Variants in GAB2 observed in about 807,000 individuals in gnomAD.
GAB2 encodes GRB2-associated-binding protein 2.
Under a neutral mutation model 65.5 loss-of-function variants are expected in GAB2, and 26 were observed. The observed-to-expected ratio is 0.40, with a 90% CI of 0.29 to 0.55. The LOEUF (loss-of-function observed/expected upper bound fraction) is 0.55, where lower values mean the gene tolerates loss of function less well. GAB2 is among the 20% of genes least tolerant of loss of function. GAB2 has a pLI of 0.53. For missense variants in GAB2, 884 were observed against 875.8 expected (o/e 1.01, Z -0.12); for synonymous variants, 321 against 329.6 (o/e 0.97, Z 0.28).
intron 2 of GAB2, among the ~76,000 whole-genome samples, chr11:78,270,146 G>A (rs997295651): frequency 6.6e-6 from 1 of 152,004 alleles, no homozygotes; most frequent in Non-Finnish European, 1.5e-5. Context: ...GGCCAACATG[G>A]TGAAACCCCG....
intron 1 of GAB2, among the ~76,000 whole-genome samples, chr11:78,401,742 GT>G (rs568217038): frequency 1.2e-3 from 177 of 152,186 alleles, no homozygotes; most frequent in African/African-American, 4.0e-3. Context: ...ATCACATTTT[GT>G]TTATTCAATT....
At chr11:78,302,445 T>C (rs946527060) in intron 1 of GAB2, among the ~76,000 whole-genome samples, 5 of 151,972 alleles carry the variant, frequency 3.3e-5, no homozygotes, top group African/African-American at 1.2e-4. Context: ...TCAACGTCAC[T>C]AATGATCAGG....
intron 2 of GAB2, among the ~76,000 whole-genome samples, chr11:78,272,571 G>C (rs1866044411): frequency 6.6e-6 from 1 of 152,152 alleles, no homozygotes; most frequent in African/African-American, 2.4e-5. Flanking sequence ...AGGTGACTTG[G>C]GTGCTGTTAA....
chr11:78,273,747 C>T (rs867796687), intron 2 of GAB2, among the ~76,000 whole-genome samples: 3 of 152,310 alleles, frequency 2.0e-5, no homozygotes, highest in Middle Eastern at 6.8e-3. Flanking sequence ...CATGGTTTGG[C>T]TGTGTCCCCA....
At chr11:78,316,452 A>C (rs1191669933) in intron 1 of GAB2, among the ~76,000 whole-genome samples, 2 of 152,198 alleles carry the variant, frequency 1.3e-5, no homozygotes, top group African/African-American at 2.4e-5. Flanking sequence ...ATAACAACAA[A>C]AACAAACAAC....
intron 1 of GAB2, among the ~76,000 whole-genome samples, chr11:78,300,011 T>C (rs1482023654): frequency 6.6e-6 from 1 of 152,194 alleles, no homozygotes; most frequent in Non-Finnish European, 1.5e-5. Context: ...ACAGTTCAGA[T>C]GGCTGAATTT....
chr11:78,306,331 A>C (rs1158547790), intron 1 of GAB2, among the ~76,000 whole-genome samples: 1 of 152,132 alleles, frequency 6.6e-6, no homozygotes, highest in Non-Finnish European at 1.5e-5. Flanking sequence ...CCCAGGTTCA[A>C]GCAATTCTCC....
chr11:78,250,041 G>A (rs1865404031), intron 3 of GAB2, 116 bp downstream of exon 3: 1 of 1,086,816 alleles, frequency 9.2e-7, no homozygotes, highest in Non-Finnish European at 1.4e-6. Context: ...TCATAGACGT[G>A]TTTGTCTACC....
chr11:78,299,833 GC>G (rs1485034392), intron 1 of GAB2, among the ~76,000 whole-genome samples: 2 of 152,170 alleles, frequency 1.3e-5, no homozygotes, highest in Admixed American at 1.3e-4. Context: ...GACTTCCTTA[GC>G]CTCTCTAGGA....
chr11:78,236,508 T>G (rs1864985306), intron 3 of GAB2, among the ~76,000 whole-genome samples: 1 of 152,202 alleles, frequency 6.6e-6, no homozygotes, highest in Non-Finnish European at 1.5e-5. Flanking sequence ...CAATGTTAAA[T>G]AGAAGTGGTA....
At chr11:78,363,900 T>C (rs1856465980) in intron 1 of GAB2, 1 of 152,088 alleles carries the variant, frequency 6.6e-6, no homozygotes, top group South Asian at 2.1e-4. Context: ...TACATTTTCT[T>C]AAAAAGCTGT....
chr11:78,333,211 CCTT>C (rs371653689), intron 1 of GAB2, among the ~76,000 whole-genome samples: 34 of 152,242 alleles, frequency 2.2e-4, no homozygotes, highest in African/African-American at 8.2e-4. Flanking sequence ...ACTGATAAGT[CCTT>C]CTTCTAGGAT....
intron 1 of GAB2, among the ~76,000 whole-genome samples, chr11:78,348,428 G>A (rs376625791): frequency 2.0e-5 from 3 of 152,298 alleles, no homozygotes; most frequent in African/African-American, 4.8e-5. Flanking sequence ...ATGGGCAAAA[G>A]ATTTGAACAG....
At chr11:78,359,259 T>C (rs1856401697) in intron 1 of GAB2, among the ~76,000 whole-genome samples, 1 of 152,020 alleles carries the variant, frequency 6.6e-6, no homozygotes, top group African/African-American at 2.4e-5. Context: ...GCTAAACAAA[T>C]GTCAAGCAGG....
rs116608814 is a variant in GAB2, at chr11:78,255,339, G to C, written c.377-4939C>G. 7.7e-3 allele frequency among the ~76,000 whole-genome samples: 1,170 copies of C among 152,206 alleles called. 13 individuals are homozygous for C. The highest frequency in any genetic ancestry group is 0.027 in the African/African-American group (1,109 of 41,518). On this transcript the variant is annotated intron_variant, in intron 2 of 9. Transcript: ENST00000361507. ...TAGAACTGTGAGAGAGTAAATTTTT[G>C]TTGTTTTAATCTACTCACTTTGTGG...
chr11:78,264,036 A>G (rs537880130), intron 2 of GAB2, among the ~76,000 whole-genome samples: 18 of 152,292 alleles, frequency 1.2e-4, no homozygotes, highest in African/African-American at 4.1e-4. Context: ...AATTCTCTAA[A>G]AAGTCCAACA....
intron 1 of GAB2, among the ~76,000 whole-genome samples, chr11:78,314,270 A>T (rs537403894): frequency 1.3e-5 from 2 of 152,254 alleles, no homozygotes; most frequent in East Asian, 3.8e-4. Flanking sequence ...TGAAAGTGTT[A>T]TAACAGTGAC....
chr11:78,265,203 C>CATATATATATATATATATATATATAT (rs10530509), intron 2 of GAB2, among the ~76,000 whole-genome samples: 6 of 144,920 alleles, frequency 4.1e-5, no homozygotes, highest in East Asian at 2.0e-4. Context: ...TTCTATACCA[C>CATATATATATATATATATATATATAT]ATATATATAT....
At chr11:78,345,636 T>A (rs1413320351) in intron 1 of GAB2, among the ~76,000 whole-genome samples, 6 of 152,198 alleles carry the variant, frequency 3.9e-5, no homozygotes, top group African/African-American at 1.4e-4. Flanking sequence ...AGAGGCTTCT[T>A]AGAAGAACTA....
Sources: allele counts gnomAD v4.1 joint callset (sites outside exome capture counted in the v4.1 genomes callset), GRCh38; gene constraint gnomAD v4.1.1; transcripts MANE v1.5; gene names NCBI Gene and HGNC (gene_info 2026-07-23, HGNC 2026-07-21).